NLK: variants seen among roughly 807,000 people sequenced by gnomAD.
The protein encoded by NLK is serine/threonine-protein kinase NLK.
A neutral mutation model predicts 59.0 loss-of-function variants in NLK; 11 were observed. That is an observed-to-expected ratio of 0.19 (90% CI 0.12 to 0.31). NLK has a LOEUF of 0.31. Among genes scored for constraint, NLK ranks in the 10% least tolerant of loss-of-function variants. NLK has a pLI of 1.00. For missense variants in NLK, 410 were observed against 661.1 expected (o/e 0.62, Z 4.16); for synonymous variants, 235 against 235.9 (o/e 1.00, Z 0.03).
intron 3 of NLK, among the ~76,000 whole-genome samples, chr17:28,148,319 A>G (rs1015646335): frequency 6.6e-6 from 1 of 152,068 alleles, no homozygotes; most frequent in Non-Finnish European, 1.5e-5. Flanking sequence ...ACATTTATAC[A>G]TACGTATGCA....
intron 3 of NLK, among the ~76,000 whole-genome samples, chr17:28,138,409 A>G (rs1906849923): frequency 6.6e-6 from 1 of 152,166 alleles, no homozygotes; most frequent in Non-Finnish European, 1.5e-5. Context: ...TTCTGGCGCA[A>G]TTATTGTGAA....
At chr17:28,077,069 C>CTTTTTTTTTTT (rs1910184017) in intron 1 of NLK, among the ~76,000 whole-genome samples, 1 of 68,590 alleles carries the variant, frequency 1.5e-5, no homozygotes, top group African/African-American at 5.5e-5. Context: ...ACTTCTCTTT[C>CTTTTTTTTTTT]TTTCTTTTTT....
intron 1 of NLK, among the ~76,000 whole-genome samples, chr17:28,071,959 T>C: frequency 6.6e-6 from 1 of 152,234 alleles, no homozygotes; most frequent in East Asian, 1.9e-4. Flanking sequence ...CTCTGGAGTT[T>C]AGTTCATTTA....
At chr17:28,081,041 C>G (rs1242905906) in intron 1 of NLK, among the ~76,000 whole-genome samples, 2 of 151,372 alleles carry the variant, frequency 1.3e-5, no homozygotes, top group Non-Finnish European at 2.9e-5. Context: ...AGGCACATGC[C>G]ACCACACCTG....
chr17:28,154,947 G>T (rs1438581396), intron 3 of NLK, among the ~76,000 whole-genome samples: 1 of 152,132 alleles, frequency 6.6e-6, no homozygotes. Flanking sequence ...CATGAGGATC[G>T]CTTGAACCTG....
At chr17:28,175,361 G>A (rs1476876727) in intron 7 of NLK, among the ~76,000 whole-genome samples, 2 of 151,568 alleles carry the variant, frequency 1.3e-5, no homozygotes, top group South Asian at 2.1e-4. Flanking sequence ...GGCGGCAGGA[G>A]AATGGCATGA....
chr17:28,086,707 G>A (rs1195692808), intron 1 of NLK, among the ~76,000 whole-genome samples: 2 of 151,454 alleles, frequency 1.3e-5, no homozygotes, highest in African/African-American at 2.4e-5. Flanking sequence ...GTCAGTATAA[G>A]TGACTCTGTG....
chr17:28,053,717 T>G (rs2142738182), intron 1 of NLK, among the ~76,000 whole-genome samples: 1 of 152,326 alleles, frequency 6.6e-6, no homozygotes, highest in Admixed American at 6.5e-5. Context: ...AATTAGTCAT[T>G]TGACCCAGAT....
At chr17:28,098,344 C>CA (rs1426005990) in intron 1 of NLK, among the ~76,000 whole-genome samples, 2 of 152,066 alleles carry the variant, frequency 1.3e-5, no homozygotes, top group Non-Finnish European at 2.9e-5. Flanking sequence ...CTCATATACC[C>CA]AAGGTGGAGT....
chr17:28,110,066 A>C (rs915496536), intron 1 of NLK, among the ~76,000 whole-genome samples: 2 of 152,184 alleles, frequency 1.3e-5, no homozygotes, highest in Non-Finnish European at 2.9e-5. Context: ...CCCTTATTTA[A>C]ATCTTCTCTA....
At chr17:28,150,827 A>G (rs1340753451) in intron 3 of NLK, among the ~76,000 whole-genome samples, 3 of 152,192 alleles carry the variant, frequency 2.0e-5, no homozygotes. Flanking sequence ...GTTTTTAACA[A>G]TCATATTTTT....
At chr17:28,117,507 A>G (rs140244429) in intron 1 of NLK, among the ~76,000 whole-genome samples, 2 of 152,240 alleles carry the variant, frequency 1.3e-5, no homozygotes, top group African/African-American at 4.8e-5. Flanking sequence ...GATCTTTGCT[A>G]TTTTTAGTTC....
chr17:28,164,298 G>A (rs1330816639), intron 5 of NLK, among the ~76,000 whole-genome samples: 1 of 151,212 alleles, frequency 6.6e-6, no homozygotes, highest in East Asian at 1.9e-4. Flanking sequence ...TGAGCCCAGA[G>A]CGTGAAGGCT....
intron 10 of NLK, 75 bp from the exon 11 acceptor site, chr17:28,194,507 A>C: frequency 1.9e-6 from 2 of 1,053,510 alleles, no homozygotes; most frequent in Non-Finnish European, 1.4e-6. Flanking sequence ...GAAGAGAGGA[A>C]AACAGGAAGT....
At chr17:28,085,913 C>T (rs1249868235) in intron 1 of NLK, among the ~76,000 whole-genome samples, 5 of 152,036 alleles carry the variant, frequency 3.3e-5, no homozygotes, top group South Asian at 4.2e-4. Context: ...TAGGCTATAC[C>T]GTATAGCCTA....
chr17:28,197,359 C>T (rs941359352), downstream of NLK, among the ~76,000 whole-genome samples: 17 of 151,792 alleles, frequency 1.1e-4, 1 homozygote, highest in Admixed American at 6.6e-5. Context: ...ATCCCACCTA[C>T]TCAGGAGACT....
chr17:28,121,880 T>C (rs1045597893), intron 1 of NLK, among the ~76,000 whole-genome samples: 1 of 151,636 alleles, frequency 6.6e-6, no homozygotes, highest in Admixed American at 6.6e-5. Context: ...ATTTCAAACA[T>C]AGGGAAATAT....
intron 2 of NLK, among the ~76,000 whole-genome samples, chr17:28,127,712 T>C (rs1004455721): frequency 1.3e-5 from 2 of 152,230 alleles, no homozygotes; most frequent in African/African-American, 4.8e-5. Flanking sequence ...CAAGGTTTTA[T>C]GTCTATATGC....
chr17:28,155,848 G>A (rs1002710077), intron 3 of NLK, among the ~76,000 whole-genome samples: 3 of 152,072 alleles, frequency 2.0e-5, no homozygotes, highest in African/African-American at 4.8e-5. Flanking sequence ...TTTGATGGGC[G>A]CAGCAAACCA....
Sources: gnomAD v4.1 joint callset for allele counts (sites outside exome capture counted in the v4.1 genomes callset) on GRCh38, gnomAD v4.1.1 for gene constraint, MANE v1.5 for transcripts, NCBI Gene and HGNC (gene_info 2026-07-23, HGNC 2026-07-21) for gene names.